The following HSPA12A variants were observed in gnomAD, a reference collection of about 807,000 sequenced individuals.
HSPA12A encodes the protein heat shock protein family A (Hsp70) member 12A.
A neutral mutation model predicts 69.2 loss-of-function variants in HSPA12A; 28 were observed. The observed-to-expected ratio is 0.40, with a 90% CI of 0.30 to 0.55. The LOEUF is 0.55. Ranked by LOEUF, HSPA12A falls within the 20% of genes least tolerant of loss-of-function variation. HSPA12A has a pLI of 0.38. For synonymous variants in HSPA12A, 345 were observed against 370.5 expected (o/e 0.93, Z 0.79); for missense variants, 686 against 900.7 (o/e 0.76, Z 3.05).
chr10:116,835,687 G>A (rs1845697141), intron 1 of HSPA12A, among the ~76,000 whole-genome samples: 1 of 152,166 alleles, frequency 6.6e-6, no homozygotes, highest in Non-Finnish European at 1.5e-5. Flanking sequence ...GAAGCCCCAC[G>A]AACACTGGTG....
intron 2 of HSPA12A, among the ~76,000 whole-genome samples, chr10:116,812,422 C>T (rs937915619): frequency 1.3e-5 from 2 of 151,966 alleles, no homozygotes; most frequent in African/African-American, 4.8e-5. Context: ...CATTGCACTC[C>T]AGCCTAGGCG....
intron 1 of HSPA12A, among the ~76,000 whole-genome samples, chr10:116,718,206 G>GTGC (rs1850664702): frequency 6.6e-6 from 1 of 152,228 alleles, no homozygotes; most frequent in African/African-American, 2.4e-5. Flanking sequence ...GGCACAGCTA[G>GTGC]TGCTGCCTGG....
intron 2 of HSPA12A, among the ~76,000 whole-genome samples, chr10:116,775,402 G>A (rs1844313094): frequency 6.6e-6 from 1 of 152,204 alleles, no homozygotes; most frequent in Non-Finnish European, 1.5e-5. Context: ...GAGAGCCCTG[G>A]GGAGGACGGG....
chr10:116,712,917 A>C (rs11197803), intron 1 of HSPA12A, among the ~76,000 whole-genome samples: 1,586 of 147,132 alleles, frequency 0.011, 29 homozygotes, highest in African/African-American at 0.038. Flanking sequence ...GTATCCATCA[A>C]ATAAATGCCC....
intron 1 of HSPA12A, among the ~76,000 whole-genome samples, chr10:116,717,263 G>A (rs188261415): frequency 3.5e-4 from 53 of 152,250 alleles, no homozygotes; most frequent in South Asian, 1.9e-3. Context: ...ACACCTGCAC[G>A]TTCCCAGTGC....
intron 1 of HSPA12A, among the ~76,000 whole-genome samples, chr10:116,709,066 GA>G (rs113092476): frequency 0.26 from 39,743 of 152,056 alleles, 5,390 homozygotes; most frequent in East Asian, 0.4. Context: ...TGAAAACAGG[GA>G]CTCAAGGAGA....
upstream of HSPA12A, chr10:116,850,110 C>T: frequency 2.9e-6 from 1 of 344,080 alleles, no homozygotes; most frequent in South Asian, 2.5e-5. Flanking sequence ...CTCAGCTCAG[C>T]TCACCGACCT....
At chr10:116,732,747 A>G (rs545284897) in intron 1 of HSPA12A, among the ~76,000 whole-genome samples, 5 of 152,256 alleles carry the variant, frequency 3.3e-5, no homozygotes, top group Non-Finnish European at 7.3e-5. Flanking sequence ...GGGACAAGTC[A>G]TGAATTTGTT....
At chr10:116,814,210 T>A (rs940451346) in intron 2 of HSPA12A, among the ~76,000 whole-genome samples, 1 of 152,134 alleles carries the variant, frequency 6.6e-6, no homozygotes, top group African/African-American at 2.4e-5. Flanking sequence ...TAAAGGGCAA[T>A]TAGAGCAGAA....
At chr10:116,684,283 G>A (rs1554879221) in intron 6 of HSPA12A, among the ~76,000 whole-genome samples, 2 of 152,094 alleles carry the variant, frequency 1.3e-5, no homozygotes, top group African/African-American at 2.4e-5. Flanking sequence ...AGGAGCGGGG[G>A]GATTCCGGAC....
At chr10:116,825,638 G>T (rs1055569967) in intron 2 of HSPA12A, among the ~76,000 whole-genome samples, 2 of 152,154 alleles carry the variant, frequency 1.3e-5, no homozygotes, top group African/African-American at 4.8e-5. Flanking sequence ...TATAAAAAAT[G>T]CCCAGAACAG....
rs1849339866 is a variant in HSPA12A at position 116,679,494 on chromosome 10, C to A, written c.1286+9G>T. On this transcript the variant is annotated intron_variant, in intron 10 of 11. Coordinates refer to ENST00000369209, the MANE Select transcript of HSPA12A (RefSeq NM_025015.3). ...ATGTCCAGAGCCCGAGGTGATGAGC[C>A]CAACTCACTTGCTTTTCCGCAAGGC... The A allele has an allele frequency of 1.2e-6, 2 of 1,612,056 alleles. No individual in the cohort carries two copies. The highest frequency in any genetic ancestry group is 8.5e-7 in the Non-Finnish European group (1 of 1,179,070).
intron 2 of HSPA12A, among the ~76,000 whole-genome samples, chr10:116,764,162 T>G (rs1665671): frequency 6.6e-6 from 1 of 152,196 alleles, no homozygotes; most frequent in Admixed American, 6.5e-5. Flanking sequence ...ATGGAAAAAG[T>G]CTTTCCACTG....
At chr10:116,681,117 T>A (rs1554878514) in intron 9 of HSPA12A, 35 bp downstream of exon 9, 1 of 1,450,046 alleles carries the variant, frequency 6.9e-7, no homozygotes, top group Admixed American at 1.7e-5. Context: ...TGGAATTGGC[T>A]CAGGAATAAG....
At chr10:116,782,070 C>A (rs1197412253) in intron 2 of HSPA12A, among the ~76,000 whole-genome samples, 3 of 152,026 alleles carry the variant, frequency 2.0e-5, no homozygotes, top group Non-Finnish European at 4.4e-5. Context: ...TGAGGGAGAA[C>A]AATGGTCAGG....
In HSPA12A at chr10:116,681,962, TGAG is replaced by T; in HGVS notation, c.836-88_836-86del. ...TTTGCAGTCAGTGAAGGCAATAGCA[TGAG>T]GAGATTTAGGGATGGAACATTAGTG... On this transcript the variant is annotated intron_variant, in intron 7 of 11. Transcript: ENST00000369209. The T allele has an allele frequency of 3.2e-6, 4 of 1,238,744 alleles. No homozygotes were observed. In the South Asian group the frequency reaches 5.0e-5, roughly 15 times the overall value. 76.7% of individuals were successfully genotyped at this position (1,238,744 alleles called of 1,614,324 possible). A position where few individuals can be genotyped will look rare whatever the true frequency, so the allele number is the denominator to read the frequency against.
At chr10:116,741,605 C>G (rs1410399022) in intron 1 of HSPA12A, among the ~76,000 whole-genome samples, 1 of 152,196 alleles carries the variant, frequency 6.6e-6, no homozygotes, top group African/African-American at 2.4e-5. Context: ...GTGGGAGAAG[C>G]CTTGATTTAC....
intron 2 of HSPA12A, chr10:116,749,875 C>T (rs987103907): frequency 7.0e-5 from 11 of 156,594 alleles, no homozygotes; most frequent in Non-Finnish European, 8.5e-5. Flanking sequence ...CTATGTCTAG[C>T]GAAGGATGCA....
At chr10:116,712,833 T>C (rs1554883282) in intron 1 of HSPA12A, among the ~76,000 whole-genome samples, 1 of 151,802 alleles carries the variant, frequency 6.6e-6, no homozygotes. Flanking sequence ...TCCGAGGAAA[T>C]GTGACAGGTG....
Sources: allele counts gnomAD v4.1 joint callset (sites outside exome capture counted in the v4.1 genomes callset), GRCh38; gene constraint gnomAD v4.1.1; transcripts MANE v1.5; gene names NCBI Gene and HGNC (gene_info 2026-07-23, HGNC 2026-07-21).